Variants in ALK observed in about 807,000 individuals in gnomAD.
ALK encodes ALK tyrosine kinase receptor.
ALK carries 74 observed loss-of-function variants against 163.1 expected under a neutral mutation model. The observed-to-expected ratio is 0.45, with a 90% CI of 0.38 to 0.55. The LOEUF is 0.55. Among genes scored for constraint, ALK ranks in the 20% least tolerant of loss-of-function variants. The probability of loss-of-function intolerance (pLI) is 0.00; values close to 1 mark genes in which losing one functional copy is unlikely to be tolerated. For synonymous variants in ALK, 960 were observed against 843.2 expected, an observed-to-expected ratio of 1.14 and a Z score of -2.40; for missense variants, 2,063 against 2,105.3, an observed-to-expected ratio of 0.98 and a Z score of 0.39.
chr2:29,540,390 T>A (rs941358657), intron 3 of ALK, among the ~76,000 whole-genome samples: 2 of 152,066 alleles, frequency 1.3e-5, no homozygotes, highest in Admixed American at 1.3e-4. Flanking sequence ...AAAAGTCTAA[T>A]CTTAGATTCC....
rs116016388 is a variant in ALK at position 29,553,741 on chromosome 2, T to C, written c.953-21625A>G. Among the ~76,000 whole-genome samples the C allele has an allele frequency of 5.2e-3, 790 of 152,368 alleles. 12 individuals carry two copies. The highest frequency in any genetic ancestry group is 0.018 in the African/African-American group (731 of 41,594). On this transcript the variant is annotated intron_variant, in intron 3 of 28. Coordinates refer to ENST00000389048, the MANE Select transcript of ALK (RefSeq NM_004304.5). ...GTAATGCACGGCAGTACCTGTTTCATTGCACCCCTGTCTGAACTGGGAATT... is the reference window on the plus strand; with the variant it reads ...GTAATGCACGGCAGTACCTGTTTCACTGCACCCCTGTCTGAACTGGGAATT...
At chr2:29,638,955 C>T (rs1180149695) in intron 3 of ALK, among the ~76,000 whole-genome samples, 3 of 152,150 alleles carry the variant, frequency 2.0e-5, no homozygotes, top group Non-Finnish European at 4.4e-5. Flanking sequence ...CATGGTTGCT[C>T]CTGCTCTCTT....
intron 1 of ALK, among the ~76,000 whole-genome samples, chr2:29,724,528 A>G (rs1304802953): frequency 6.6e-6 from 1 of 152,168 alleles, no homozygotes; most frequent in African/African-American, 2.4e-5. Context: ...CAGTAAATTT[A>G]CATGACTCCT....
At chr2:29,602,337 C>A (rs1184869229) in intron 3 of ALK, among the ~76,000 whole-genome samples, 1 of 152,058 alleles carries the variant, frequency 6.6e-6, no homozygotes, top group Admixed American at 6.5e-5. Flanking sequence ...CAGGGTCAGG[C>A]CTGGGGAGGA....
chr2:29,328,559 TGGGCAGGC>T, intron 5 of ALK, 78 bp from the exon 6 acceptor site: 2 of 1,586,948 alleles, frequency 1.3e-6, no homozygotes, highest in Non-Finnish European at 1.7e-6. Context: ...GTTGGTCCCA[TGGGCAGGC>T]TGCAGGGACA....
chr2:29,197,366 G>A (rs1463458587), intron 27 of ALK, among the ~76,000 whole-genome samples, 176 bp downstream of exon 27: 2 of 152,138 alleles, frequency 1.3e-5, no homozygotes, highest in Non-Finnish European at 2.9e-5. Context: ...TGCTTTTGAG[G>A]GCCTGGGAGA....
chr2:29,299,514 T>C (rs574715515), intron 8 of ALK, among the ~76,000 whole-genome samples: 13 of 152,360 alleles, frequency 8.5e-5, no homozygotes, highest in African/African-American at 3.1e-4. Context: ...TTTAATCATT[T>C]TGAAGCTCAG....
chr2:29,888,444 G>A (rs1427340210), intron 1 of ALK, among the ~76,000 whole-genome samples: 1 of 151,964 alleles, frequency 6.6e-6, no homozygotes, highest in Non-Finnish European at 1.5e-5. Flanking sequence ...ATTCCCATAG[G>A]ACCAACTTTC....
intron 3 of ALK, among the ~76,000 whole-genome samples, chr2:29,684,615 C>T (rs558554634): frequency 7.2e-5 from 11 of 152,292 alleles, no homozygotes; most frequent in South Asian, 6.2e-4. Context: ...TCTGAAGACA[C>T]GGCACTTCCA....
chr2:29,221,251 G>C (rs1296540413), intron 22 of ALK: 1 of 528,800 alleles, frequency 1.9e-6, no homozygotes. Flanking sequence ...GGTGAGACTT[G>C]CCAAGTGACA....
chr2:29,765,316 T>C (rs949587876), intron 1 of ALK, among the ~76,000 whole-genome samples: 2 of 152,208 alleles, frequency 1.3e-5, no homozygotes, highest in African/African-American at 2.4e-5. Context: ...TGGCCTCTTA[T>C]GGTAATTCTC....
chr2:29,251,151 G>A lies in ALK; in HGVS notation c.2158C>T (p.Leu720=), dbSNP rs774579604. ...ACCTTCCAGATCTGGATGCCTTTCA[G>A]GGGGCCCTCGCTCCCCACCTCCACG... ...LSVEVGSEGP[L]KGIQIWKVPA... The change falls in exon 12 of 29, where the codon CTG becomes TTG. Residue 720 remains leucine (L), a synonymous_variant. Coordinates refer to ENST00000389048, the MANE Select transcript of ALK (RefSeq NM_004304.5). The A allele has an allele frequency of 6.2e-7, 1 of 1,614,130 alleles. No individual in the cohort carries two copies. The highest frequency in any genetic ancestry group is 8.5e-7 in the Non-Finnish European group (1 of 1,180,014).
At chr2:29,529,881 C>T (rs1673072756) in intron 4 of ALK, among the ~76,000 whole-genome samples, 1 of 152,158 alleles carries the variant, frequency 6.6e-6, no homozygotes, top group Admixed American at 6.5e-5. Context: ...CTCCAGAGGA[C>T]AGAGCAGCTC....
At chr2:29,208,959 G>GA (rs1053368285) in intron 25 of ALK, among the ~76,000 whole-genome samples, 90 of 149,832 alleles carry the variant, frequency 6.0e-4, no homozygotes, top group African/African-American at 1.9e-3. Flanking sequence ...ATGTGACAGG[G>GA]AAAAAAAAAA....
At chr2:29,357,491 A>G (rs1668280541) in intron 5 of ALK, among the ~76,000 whole-genome samples, 1 of 152,186 alleles carries the variant, frequency 6.6e-6, no homozygotes, top group African/African-American at 2.4e-5. Flanking sequence ...AAGGCCAGTT[A>G]TATTATTCCT....
intron 1 of ALK, among the ~76,000 whole-genome samples, chr2:29,902,472 C>A (rs570930859): frequency 5.3e-5 from 8 of 152,304 alleles, no homozygotes; most frequent in Admixed American, 2.6e-4. Context: ...CACACCATTG[C>A]CAGTTTCATC....
chr2:29,472,193 G>A (rs1161488017), intron 4 of ALK, among the ~76,000 whole-genome samples: 1 of 152,212 alleles, frequency 6.6e-6, no homozygotes, highest in African/African-American at 2.4e-5. Flanking sequence ...GATGCCACCA[G>A]TCTACTGTTG....
intron 2 of ALK, among the ~76,000 whole-genome samples, chr2:29,714,303 CA>C (rs1312415862): frequency 9.7e-4 from 147 of 152,198 alleles, no homozygotes; most frequent in African/African-American, 3.4e-3. Context: ...AATCTGATGT[CA>C]AAAGCCACGG....
At chr2:29,343,367 T>G (rs1452264402) in intron 5 of ALK, among the ~76,000 whole-genome samples, 5 of 134,578 alleles carry the variant, frequency 3.7e-5, no homozygotes, top group Non-Finnish European at 6.4e-5. Context: ...TGTCACTGCA[T>G]CTGGCTAAGT....
Sources: allele counts gnomAD v4.1 joint callset (sites outside exome capture counted in the v4.1 genomes callset), GRCh38; gene constraint gnomAD v4.1.1; transcripts MANE v1.5; gene names NCBI Gene and HGNC (gene_info 2026-07-23, HGNC 2026-07-21).